The following ZNF804A variants were observed in gnomAD, a reference collection of about 807,000 sequenced individuals.
The protein encoded by ZNF804A is zinc finger protein 804A.
A neutral mutation model predicts 16.5 loss-of-function variants in ZNF804A; 2 were observed. The ratio of observed to expected loss-of-function variants is 0.12; its 90% CI spans 0.05 to 0.38. The LOEUF is 0.38. Among genes scored for constraint, ZNF804A ranks in the 10% least tolerant of loss-of-function variants. The probability of loss-of-function intolerance (pLI) is 0.99; values close to 1 mark genes in which losing one functional copy is unlikely to be tolerated. For synonymous variants in ZNF804A, 534 were observed against 489.6 expected, an observed-to-expected ratio of 1.09 and a Z score of -1.20; for missense variants, 1,473 against 1,390.7, an observed-to-expected ratio of 1.06 and a Z score of -0.94.
At chr2:184,762,897 T>C (rs1694060791) in intron 1 of ZNF804A, among the ~76,000 whole-genome samples, 1 of 152,138 alleles carries the variant, frequency 6.6e-6, no homozygotes, top group Non-Finnish European at 1.5e-5. Context: ...AGCTTATAGT[T>C]GTAAGGAGGA....
chr2:184,722,486 A>T (rs369817318), intron 1 of ZNF804A, among the ~76,000 whole-genome samples: 1 of 152,078 alleles, frequency 6.6e-6, no homozygotes, highest in Non-Finnish European at 1.5e-5. Context: ...GAAATTTCAT[A>T]TCTATAAATA....
intron 1 of ZNF804A, among the ~76,000 whole-genome samples, chr2:184,659,334 C>T (rs369506192): frequency 6.6e-6 from 1 of 152,042 alleles, no homozygotes; most frequent in South Asian, 2.1e-4. Flanking sequence ...TTTAATTTCC[C>T]AGTCCTCCTC....
chr2:184,916,859 C>CAAAA (rs1685457300), intron 2 of ZNF804A, among the ~76,000 whole-genome samples: 1 of 151,012 alleles, frequency 6.6e-6, no homozygotes, highest in Admixed American at 6.6e-5. Context: ...AACAAAAAAA[C>CAAAA]AAAACAAAAC....
At chr2:184,827,378 A>G (rs981890001) in intron 1 of ZNF804A, among the ~76,000 whole-genome samples, 2 of 148,802 alleles carry the variant, frequency 1.3e-5, no homozygotes, top group African/African-American at 4.9e-5. Flanking sequence ...ATTTATAAAT[A>G]ATAACACTCA....
intron 2 of ZNF804A, among the ~76,000 whole-genome samples, chr2:184,898,644 A>G (rs1685128088): frequency 6.6e-6 from 1 of 152,076 alleles, no homozygotes. Flanking sequence ...CTTTCTCTAG[A>G]TTGAATATAA....
intron 1 of ZNF804A, among the ~76,000 whole-genome samples, chr2:184,609,451 A>T (rs1173558120): frequency 1.3e-5 from 2 of 152,350 alleles, no homozygotes; most frequent in Admixed American, 1.3e-4. Context: ...AGGAGTTAAA[A>T]TTATTAGCAA....
intron 2 of ZNF804A, among the ~76,000 whole-genome samples, chr2:184,915,710 A>G (rs888599904): frequency 1.2e-4 from 19 of 152,152 alleles, no homozygotes; most frequent in Non-Finnish European, 2.5e-4. Context: ...GAGATTTTGT[A>G]TACAAAGAGA....
In ZNF804A at chr2:184,866,497, C is replaced by T. The variant is rs1254544931; in HGVS notation, c.240C>T (p.Asp80=). Residue 80 remains aspartate, a synonymous_variant, in exon 2 of 4, where the codon GAC becomes GAT. Transcript: ENST00000302277. ...TTGACAATCACATTAATTCATATGA[C>T]CATGCTCACAAGCAGGTAAGAAAGA... ...QEFDNHINSY[D]HAHKQRLKEL... is the part of the protein sequence containing the mutation. 1.9e-6 allele frequency: 3 copies of T among 1,607,160 alleles called. No homozygotes were observed. Among genetic ancestry groups the T allele is most frequent in the African/African-American group, 2.7e-5 (2 of 74,472 alleles).
chr2:184,913,524 C>G (rs1685395816), intron 2 of ZNF804A, among the ~76,000 whole-genome samples: 1 of 152,104 alleles, frequency 6.6e-6, no homozygotes, highest in Admixed American at 6.6e-5. Context: ...GAGTATAGTT[C>G]TGATAGATAC....
At chr2:184,734,847 T>G (rs1042545437) in intron 1 of ZNF804A, among the ~76,000 whole-genome samples, 1 of 152,174 alleles carries the variant, frequency 6.6e-6, no homozygotes, top group Non-Finnish European at 1.5e-5. Flanking sequence ...GATGGTTTGT[T>G]GTTAGGTGCA....
chr2:184,655,962 T>C (rs1692068608), intron 1 of ZNF804A, among the ~76,000 whole-genome samples: 1 of 152,148 alleles, frequency 6.6e-6, no homozygotes, highest in African/African-American at 2.4e-5. Context: ...TAATTAGATA[T>C]GTTAATTGAT....
At chr2:184,681,037 G>A (rs1275325464) in intron 1 of ZNF804A, among the ~76,000 whole-genome samples, 1 of 152,240 alleles carries the variant, frequency 6.6e-6, no homozygotes, top group Non-Finnish European at 1.5e-5. Context: ...TAGCATGCCT[G>A]GCTGGACCCC....
intron 1 of ZNF804A, among the ~76,000 whole-genome samples, chr2:184,849,331 G>A (rs544846637): frequency 1.3e-5 from 2 of 152,104 alleles, no homozygotes; most frequent in East Asian, 1.9e-4. Context: ...GAGGCATAAC[G>A]CAGTCAGAAA....
At chr2:184,824,531 C>G (rs1446917900) in intron 1 of ZNF804A, among the ~76,000 whole-genome samples, 1 of 151,500 alleles carries the variant, frequency 6.6e-6, no homozygotes, top group East Asian at 1.9e-4. Context: ...TTGCTTATAA[C>G]GCTCTCTTAC....
At chr2:184,664,394 A>G (rs542992296) in intron 1 of ZNF804A, among the ~76,000 whole-genome samples, 2 of 152,296 alleles carry the variant, frequency 1.3e-5, no homozygotes, top group African/African-American at 4.8e-5. Context: ...CACAAGTAAA[A>G]TGGACATAAT....
At chr2:184,767,524 A>G (rs754774579) in intron 1 of ZNF804A, among the ~76,000 whole-genome samples, 1 of 152,122 alleles carries the variant, frequency 6.6e-6, no homozygotes, top group Non-Finnish European at 1.5e-5. Flanking sequence ...TCACAAAACA[A>G]TATGAATGTA....
In ZNF804A at chr2:184,706,203, C is replaced by A. The variant is rs1336883747; in HGVS notation, c.111+107133C>A. On this transcript the variant is annotated intron_variant, in intron 1 of 3. Transcript: ENST00000302277. ...CATGAGTTGGTATATTATCACACAT[C>A]TGGCCACTTCTCCTTCCAAGCAAAG... Among the ~76,000 whole-genome samples, 3 of 152,180 alleles carry A rather than the reference C, an allele frequency of 2.0e-5. No homozygotes were observed. In the East Asian group the frequency reaches 5.8e-4, roughly 29 times the overall value.
chr2:184,926,716 C>T (rs990614498), intron 2 of ZNF804A, among the ~76,000 whole-genome samples: 5 of 152,038 alleles, frequency 3.3e-5, no homozygotes, highest in African/African-American at 4.8e-5. Flanking sequence ...CTTTTGTCTC[C>T]TCTGACTTCG....
In ZNF804A at chr2:184,936,725, G is replaced by A; in HGVS notation, c.1329G>A (p.Met443Ile). The A allele has an allele frequency of 1.9e-6, 3 of 1,613,678 alleles. No homozygotes were observed. Among genetic ancestry groups the A allele is most frequent in the South Asian group, 1.1e-5 (1 of 91,064 alleles). The stretch of plus-strand genomic sequence containing the variant: ...CAGTTCTTCAGTGGCCATCAGAAAT[G>A]CTGGTTTATACAACTACGAAACCAT... ...RSTVLQWPSE[M>I]LVYTTTKPSI... The change falls in exon 4 of 4, where the codon ATG becomes ATA. Residue 443 changes from methionine (M) to isoleucine (I), a missense_variant. Met to Ile is a conservative substitution (Grantham distance 10, BLOSUM62 1). Transcript: ENST00000302277.
Sources: gnomAD v4.1 joint callset for allele counts (sites outside exome capture counted in the v4.1 genomes callset) on GRCh38, gnomAD v4.1.1 for gene constraint, MANE v1.5 for transcripts, NCBI Gene and HGNC (gene_info 2026-07-23, HGNC 2026-07-21) for gene names.